Variants in ZEB2 observed in about 807,000 individuals in gnomAD.
The protein encoded by ZEB2 is zinc finger E-box-binding homeobox 2.
Under a neutral mutation model 99.9 loss-of-function variants are expected in ZEB2, and 6 were observed. The observed-to-expected ratio is 0.06, with a 90% CI of 0.03 to 0.12. The LOEUF is 0.12. ZEB2 is among the 10% of genes least tolerant of loss of function. ZEB2 has a pLI of 1.00. For synonymous variants in ZEB2, 517 were observed against 542.5 expected, an observed-to-expected ratio of 0.95 and a Z score of 0.65; for missense variants, 969 against 1,502.8, an observed-to-expected ratio of 0.64 and a Z score of 5.87.
Position 144,399,132 on chromosome 2 carries a change from C to T in ZEB2, c.2055G>A (p.Gln685=), listed in dbSNP as rs776151024. 1 of 1,614,124 alleles carries T rather than the reference C, an allele frequency of 6.2e-7. No homozygotes were observed. The highest frequency in any genetic ancestry group is 1.1e-5 in the South Asian group (1 of 91,074). ...GTTCAAACCATTCCTTCACAAATTC[C>T]TGAGGAAGGCCCACAGCAATGGAAA... ...LKISIAVGLP[Q]EFVKEWFEQR... is the part of the protein sequence containing the mutation. Residue 685 remains glutamine, a synonymous_variant, in exon 8 of 10, where the codon CAG becomes CAA. Coordinates refer to ENST00000627532, the MANE Select transcript of ZEB2 (RefSeq NM_014795.4). The surrounding 1 kb of genome is among the most constrained non-coding windows in gnomAD (Gnocchi z 5.6).
In ZEB2 at chr2:144,441,164, C is replaced by CGAGAGAGAGAGAGAGAGAGAGAGAGAGA. The variant is rs113731061; in HGVS notation, c.74-11166_74-11139dup. Among the ~76,000 whole-genome samples the CGAGAGAGAGAGAGAGAGAGAGAGAGAGA allele has an allele frequency of 1.3e-3, 118 of 88,920 alleles. 7 individuals carry two copies. Among genetic ancestry groups the CGAGAGAGAGAGAGAGAGAGAGAGAGAGA allele is most frequent in the Non-Finnish European group, 1.7e-3 (80 of 46,780 alleles). 58.3% of individuals were successfully genotyped at this position (88,920 alleles called of 152,430 possible). A position where few individuals can be genotyped will look rare whatever the true frequency, so the allele number is the denominator to read the frequency against. On this transcript the variant is annotated intron_variant, in intron 2 of 9. Coordinates refer to ENST00000627532, the MANE Select transcript of ZEB2 (RefSeq NM_014795.4). The stretch of plus-strand genomic sequence containing the variant: ...CCTTCCTTCTCTTCCTTTAGCTGCA[C>CGAGAGAGAGAGAGAGAGAGAGAGAGAGA]GAGAGAGAGAGAGAGAGAGAGAGAG...
At chr2:144,484,723 A>G (rs943990362) in intron 2 of ZEB2, among the ~76,000 whole-genome samples, 5 of 151,920 alleles carry the variant, frequency 3.3e-5, no homozygotes, top group Non-Finnish European at 5.9e-5. Context: ...CACCCTCTCT[A>G]TGGTGCCAAA....
intron 2 of ZEB2, among the ~76,000 whole-genome samples, chr2:144,472,813 G>A (rs1704376670): frequency 6.7e-6 from 1 of 148,488 alleles, no homozygotes; most frequent in South Asian, 2.1e-4. Flanking sequence ...GATAAAAAAA[G>A]AAGTACCAGA....
intron 2 of ZEB2, among the ~76,000 whole-genome samples, chr2:144,488,527 C>T (rs893825722): frequency 4.6e-5 from 7 of 151,686 alleles, no homozygotes; most frequent in African/African-American, 1.7e-4. Flanking sequence ...TTCATGTTCT[C>T]TAAGTTTAAT....
intron 2 of ZEB2, among the ~76,000 whole-genome samples, chr2:144,504,824 T>C (rs1704930138): frequency 6.6e-6 from 1 of 152,178 alleles, no homozygotes; most frequent in South Asian, 2.1e-4. Context: ...AGCAGCCTAA[T>C]TTGTGAGACT....
At chr2:144,488,670 A>AGTGTGTGTGTGTGTGTGT (rs57221448) in intron 2 of ZEB2, among the ~76,000 whole-genome samples, 15 of 148,030 alleles carry the variant, frequency 1.0e-4, no homozygotes, top group African/African-American at 3.8e-4. Context: ...CTCGTGTGTG[A>AGTGTGTGTGTGTGTGTGT]GTGTGTGTGT....
chr2:144,424,981 G>A (rs1703672725), intron 3 of ZEB2, 114 bp from the exon 4 acceptor site: 2 of 1,057,220 alleles, frequency 1.9e-6, no homozygotes, highest in South Asian at 2.7e-5. Flanking sequence ...GAAAAGGCTT[G>A]TTGTAGACCT....
chr2:144,424,685 A>T, intron 4 of ZEB2, 111 bp downstream of exon 4: 1 of 1,298,158 alleles, frequency 7.7e-7, no homozygotes. Flanking sequence ...AAAGTTGACT[A>T]CTTGTTAAGT....
At chr2:144,517,459 G>T in intron 1 of ZEB2, 40 bp from the exon 2 acceptor site, 1 of 1,421,870 alleles carries the variant, frequency 7.0e-7, no homozygotes, top group South Asian at 1.2e-5. Context: ...CATCGCCCGC[G>T]CCCATTGAAA....
At chr2:144,492,238 C>T (rs1041200302) in intron 2 of ZEB2, among the ~76,000 whole-genome samples, 4 of 152,336 alleles carry the variant, frequency 2.6e-5, no homozygotes, top group Middle Eastern at 3.4e-3. Flanking sequence ...TCTGCATGCT[C>T]ATTTCCTTGA....
At chr2:144,460,761 A>G (rs576548980) in intron 2 of ZEB2, among the ~76,000 whole-genome samples, 1 of 152,294 alleles carries the variant, frequency 6.6e-6, no homozygotes, top group African/African-American at 2.4e-5. Flanking sequence ...AGTATATTAA[A>G]TTGGGCAGAT....
intron 2 of ZEB2, among the ~76,000 whole-genome samples, chr2:144,466,719 C>G (rs180884584): frequency 3.9e-5 from 6 of 152,236 alleles, no homozygotes; most frequent in Non-Finnish European, 8.8e-5. Flanking sequence ...CGGAGTAAAC[C>G]AGGGCAGTGC....
intron 2 of ZEB2, among the ~76,000 whole-genome samples, chr2:144,466,261 T>C (rs868368128): frequency 3.3e-5 from 5 of 152,208 alleles, no homozygotes; most frequent in South Asian, 4.1e-4. Context: ...GCATCGTGCA[T>C]ACTGTTTCTT....
intron 2 of ZEB2, among the ~76,000 whole-genome samples, chr2:144,444,162 G>T (rs115062611): frequency 6.6e-6 from 1 of 152,148 alleles, no homozygotes. Flanking sequence ...TCTGATAGTC[G>T]TAGAAACATA....
At position 144,468,036 on chromosome 2, in the gene ZEB2, G is replaced by A. The variant is rs929113085; in HGVS notation, c.74-38010C>T. On this transcript the variant is annotated intron_variant, in intron 2 of 9. Coordinates refer to ENST00000627532, the MANE Select transcript of ZEB2 (RefSeq NM_014795.4). ...AAGGGAAACAAAAGTGATTGTATCG[G>A]TAATAGAGACTTCAAAGGGGAGTAG... Among the ~76,000 whole-genome samples the A allele has an allele frequency of 1.3e-5, 2 of 152,098 alleles. 1 individual carries two copies. Among genetic ancestry groups the A allele is most frequent in the South Asian group, 4.1e-4 (2 of 4,824 alleles).
chr2:144,400,750 T>A (rs1417870727), intron 7 of ZEB2, among the ~76,000 whole-genome samples: 1 of 152,180 alleles, frequency 6.6e-6, no homozygotes, highest in Non-Finnish European at 1.5e-5. Context: ...GAAATCTCAG[T>A]GGTAGGATTC....
chr2:144,396,772 C>A (rs191583096), intron 8 of ZEB2, among the ~76,000 whole-genome samples, 180 bp from the exon 9 acceptor site: 1 of 152,042 alleles, frequency 6.6e-6, no homozygotes, highest in Non-Finnish European at 1.5e-5. Context: ...CAACAATATA[C>A]GCAACAAAAA....
chr2:144,418,688 C>A (rs79614298), intron 4 of ZEB2, among the ~76,000 whole-genome samples: 28 of 140,564 alleles, frequency 2.0e-4, no homozygotes, highest in East Asian at 4.2e-4. Flanking sequence ...GACTCCATCT[C>A]AAAAAAAAAC....
intron 4 of ZEB2, among the ~76,000 whole-genome samples, chr2:144,409,484 T>C (rs1013514348): frequency 2.6e-5 from 4 of 152,160 alleles, no homozygotes; most frequent in African/African-American, 9.7e-5. Flanking sequence ...CTGGTCTCTT[T>C]GGAAGAACTG....
Sources: gnomAD v4.1 joint callset for allele counts (sites outside exome capture counted in the v4.1 genomes callset) on GRCh38, gnomAD v4.1.1 for gene constraint, Gnocchi (gnomAD v3.1) non-coding constraint, MANE v1.5 for transcripts, NCBI Gene and HGNC (gene_info 2026-07-23, HGNC 2026-07-21) for gene names.